SPATA16: variants seen among roughly 807,000 people sequenced by gnomAD.
SPATA16 encodes spermatogenesis-associated protein 16.
In SPATA16, 36 loss-of-function variants were observed where a neutral mutation model predicts 63.3. The ratio of observed to expected loss-of-function variants is 0.57; its 90% CI spans 0.44 to 0.75. SPATA16 has a LOEUF of 0.75. Among genes scored for constraint, SPATA16 ranks in the 30% least tolerant of loss-of-function variants. The probability of loss-of-function intolerance (pLI) is 0.00; values close to 1 mark genes in which losing one functional copy is unlikely to be tolerated. For synonymous variants in SPATA16, 203 were observed against 216.7 expected (o/e 0.94, Z 0.56); for missense variants, 646 against 679.3 (o/e 0.95, Z 0.54).
chr3:173,104,439 A>G (rs910894589), intron 2 of SPATA16, among the ~76,000 whole-genome samples: 2 of 152,226 alleles, frequency 1.3e-5, no homozygotes, highest in African/African-American at 4.8e-5. Flanking sequence ...GTTGGCTTAC[A>G]GTTCTACAGG....
chr3:173,028,091 T>G (rs556268033), intron 3 of SPATA16, among the ~76,000 whole-genome samples: 137 of 138,920 alleles, frequency 9.9e-4, no homozygotes, highest in African/African-American at 3.3e-3. Flanking sequence ...CTCTCTCTCT[T>G]TCTTTCTTTC....
chr3:172,981,495 TC>T (rs1385071572), intron 4 of SPATA16, among the ~76,000 whole-genome samples: 1 of 152,180 alleles, frequency 6.6e-6, no homozygotes, highest in Non-Finnish European at 1.5e-5. Flanking sequence ...ACAGGGTCCA[TC>T]CTGCTGTCCC....
At chr3:172,896,893 T>C (rs1385839156) in intron 10 of SPATA16, among the ~76,000 whole-genome samples, 2 of 152,074 alleles carry the variant, frequency 1.3e-5, no homozygotes, top group East Asian at 3.8e-4. Flanking sequence ...CTGAGCTTTT[T>C]TTCATCCTTT....
rs138934107 is a variant in SPATA16, at chr3:173,133,652, A to G, written c.-19+7451T>C. Among the ~76,000 whole-genome samples the G allele has an allele frequency of 1.2e-4, 19 of 152,324 alleles. No homozygotes were observed. In the East Asian group the frequency reaches 3.5e-3, roughly 28 times the overall value. The stretch of plus-strand genomic sequence containing the variant: ...CACAATTTAAATCTGTCTTCAGTGA[A>G]TAACAAGGCTTTTACGTACATAAAA... On this transcript the variant is annotated intron_variant, in intron 1 of 10. Transcript: ENST00000351008.
At chr3:173,093,917 T>C (rs1423193429) in intron 2 of SPATA16, among the ~76,000 whole-genome samples, 1 of 152,158 alleles carries the variant, frequency 6.6e-6, no homozygotes, top group Non-Finnish European at 1.5e-5. Flanking sequence ...TAGCTCCCAG[T>C]AAGCACAGAA....
At position 172,925,357 on chromosome 3, in the gene SPATA16, G is replaced by A. The variant is rs758801309; in HGVS notation, c.1217C>T (p.Pro406Leu). ...TTCAGATGATTTACCTGTGAATATC[G>A]GCAGCTTCCTGCTTGATATTTTTTC... is the stretch of plus-strand genomic sequence containing the variant. ...FLEKISSRKL[P>L]IFTEHKTPFG... The change falls in exon 7 of 11, where the codon CCG becomes CTG. Residue 406 changes from proline to leucine, a missense_variant. Pro to Leu is a moderately conservative substitution (Grantham distance 98). Coordinates refer to ENST00000351008, the MANE Select transcript of SPATA16 (RefSeq NM_031955.6). The A allele has an allele frequency of 5.6e-6, 9 of 1,613,746 alleles. No homozygotes were observed. Among genetic ancestry groups the A allele is most frequent in the African/African-American group, 1.3e-5 (1 of 74,986 alleles).
intron 2 of SPATA16, among the ~76,000 whole-genome samples, chr3:173,063,359 G>C (rs1736435201): frequency 6.6e-6 from 1 of 152,160 alleles, no homozygotes. Flanking sequence ...ACATGCAAAA[G>C]TGGAAAGAAG....
intron 2 of SPATA16, among the ~76,000 whole-genome samples, chr3:173,099,524 T>A (rs574128557): frequency 2.0e-5 from 3 of 152,314 alleles, no homozygotes; most frequent in Admixed American, 2.0e-4. Flanking sequence ...CGTACTATTA[T>A]ATTGTTTATA....
At chr3:173,001,179 G>A (rs1413148205) in intron 4 of SPATA16, among the ~76,000 whole-genome samples, 1 of 152,028 alleles carries the variant, frequency 6.6e-6, no homozygotes, top group East Asian at 1.9e-4. Flanking sequence ...GGTAAGGTGT[G>A]GGGGTAGGGG....
intron 2 of SPATA16, among the ~76,000 whole-genome samples, chr3:173,113,466 A>G (rs955235943): frequency 1.3e-5 from 2 of 152,240 alleles, no homozygotes; most frequent in African/African-American, 4.8e-5. Flanking sequence ...GCATGCAAAA[A>G]TAAGTTATTT....
At chr3:172,992,357 A>G (rs979204822) in intron 4 of SPATA16, among the ~76,000 whole-genome samples, 1 of 152,144 alleles carries the variant, frequency 6.6e-6, no homozygotes, top group African/African-American at 2.4e-5. Flanking sequence ...AGTTGCTTTT[A>G]AGGAAAGCAA....
At chr3:172,969,815 T>A (rs757453804) in intron 5 of SPATA16, among the ~76,000 whole-genome samples, 2 of 152,178 alleles carry the variant, frequency 1.3e-5, no homozygotes, top group Non-Finnish European at 2.9e-5. Context: ...CTTTGGCTAA[T>A]AGAATGTTAG....
chr3:172,982,298 G>A (rs542118659), intron 4 of SPATA16, among the ~76,000 whole-genome samples: 11 of 152,156 alleles, frequency 7.2e-5, no homozygotes, highest in Non-Finnish European at 1.6e-4. Flanking sequence ...GTGACAGAAT[G>A]GGCTTTGTCA....
chr3:172,964,805 C>A (rs1733875327), intron 5 of SPATA16, among the ~76,000 whole-genome samples: 1 of 152,160 alleles, frequency 6.6e-6, no homozygotes, highest in Non-Finnish European at 1.5e-5. Context: ...CAAACTTGTA[C>A]TGCTTTTTCT....
At chr3:172,963,615 G>A (rs1733840508) in intron 5 of SPATA16, among the ~76,000 whole-genome samples, 1 of 151,978 alleles carries the variant, frequency 6.6e-6, no homozygotes, top group Non-Finnish European at 1.5e-5. Flanking sequence ...TTCATTATAT[G>A]TGATGCATCC....
chr3:172,909,566 A>G (rs1013307690), intron 10 of SPATA16, among the ~76,000 whole-genome samples: 1 of 152,182 alleles, frequency 6.6e-6, no homozygotes, highest in Non-Finnish European at 1.5e-5. Context: ...ACTCCAGTCA[A>G]CTACCTCAGT....
chr3:172,989,203 C>G (rs1242648254), intron 4 of SPATA16, among the ~76,000 whole-genome samples: 1 of 152,146 alleles, frequency 6.6e-6, no homozygotes, highest in Non-Finnish European at 1.5e-5. Context: ...CTCAAAATAT[C>G]CATCCAAGTG....
intron 2 of SPATA16, among the ~76,000 whole-genome samples, chr3:173,083,194 A>G (rs1736965011): frequency 6.6e-6 from 1 of 152,090 alleles, no homozygotes; most frequent in Non-Finnish European, 1.5e-5. Context: ...TCCACATAGA[A>G]AATGAAAAAT....
chr3:172,975,471 C>T (rs1300447213), intron 5 of SPATA16, among the ~76,000 whole-genome samples: 4 of 152,066 alleles, frequency 2.6e-5, no homozygotes, highest in African/African-American at 9.7e-5. Context: ...TCCCACCTCT[C>T]TTAAATCCTT....
Sources: allele counts gnomAD v4.1 joint callset (sites outside exome capture counted in the v4.1 genomes callset), GRCh38; gene constraint gnomAD v4.1.1; transcripts MANE v1.5; gene names NCBI Gene and HGNC (gene_info 2026-07-23, HGNC 2026-07-21).